Variants in GLRA2 observed in about 807,000 individuals in gnomAD.
The protein encoded by GLRA2 is glycine receptor subunit alpha-2.
GLRA2 carries 11 observed loss-of-function variants against 31.6 expected under a neutral mutation model. That is an observed-to-expected ratio of 0.35 (90% CI 0.22 to 0.58). GLRA2 has a LOEUF of 0.58. Among genes scored for constraint, GLRA2 ranks in the 20% least tolerant of loss-of-function variants. The pLI is 0.84. For synonymous variants in GLRA2, 132 were observed against 134.0 expected (o/e 0.99, Z 0.10); for missense variants, 212 against 351.8 (o/e 0.60, Z 3.18).
the GLRA2 span, among the ~76,000 whole-genome samples, chrX:14,463,278 G>A: frequency 1.8e-5 from 2 of 111,490 alleles, no homozygotes; most frequent in African/African-American, 6.5e-5. Context: ...CTACTGGGGG[G>A]TGTCTCCCAG....
the GLRA2 span, among the ~76,000 whole-genome samples, chrX:14,454,908 A>G: frequency 8.9e-6 from 1 of 112,545 alleles, no homozygotes; most frequent in Non-Finnish European, 1.9e-5. Flanking sequence ...TAGCTATCCC[A>G]TTCCAAGTTT....
chrX:14,493,614 C>CTT, the GLRA2 span, among the ~76,000 whole-genome samples: 1 of 97,618 alleles, frequency 1.0e-5, no homozygotes, highest in African/African-American at 4.1e-5. Context: ...CACATATACA[C>CTT]ATATATACAC....
chrX:14,469,919 A>G, the GLRA2 span, among the ~76,000 whole-genome samples: 5 of 111,613 alleles, frequency 4.5e-5, no homozygotes, highest in South Asian at 1.9e-3. Flanking sequence ...ATCAGCTTTA[A>G]AAAGCAACGT....
chrX:14,626,786 G>A (rs2090593326), intron 7 of GLRA2, among the ~76,000 whole-genome samples: 1 of 112,019 alleles, frequency 8.9e-6, no homozygotes, highest in Admixed American at 9.5e-5. Context: ...AATAATAGAT[G>A]TAAATAAAAA....
intron 7 of GLRA2, among the ~76,000 whole-genome samples, chrX:14,625,769 C>T (rs1432100541): frequency 2.7e-5 from 3 of 111,667 alleles, no homozygotes; most frequent in Non-Finnish European, 5.7e-5. Flanking sequence ...AATGTGTAGC[C>T]AGGGCTGTGA....
intron 7 of GLRA2, among the ~76,000 whole-genome samples, chrX:14,630,258 A>C (rs1029778150): frequency 4.5e-5 from 5 of 111,962 alleles, no homozygotes; most frequent in African/African-American, 1.3e-4. Context: ...AAGTAGCTTA[A>C]AGATGTTTCT....
intron 7 of GLRA2, among the ~76,000 whole-genome samples, chrX:14,681,995 A>ATG (rs756711239): frequency 0.28 from 25,028 of 90,225 alleles, 3,226 homozygotes; most frequent in Non-Finnish European, 0.31. Flanking sequence ...TTATATATGT[A>ATG]TGTGTGTGTG....
At chrX:14,590,638 G>A (rs757704901) in intron 4 of GLRA2, among the ~76,000 whole-genome samples, 1 of 111,696 alleles carries the variant, frequency 9.0e-6, no homozygotes, top group African/African-American at 3.3e-5. Context: ...ACATAAGCCC[G>A]TATTTTCTAT....
chrX:14,548,559 C>A (rs1008144711), intron 2 of GLRA2, among the ~76,000 whole-genome samples: 8 of 111,622 alleles, frequency 7.2e-5, no homozygotes, highest in Admixed American at 3.8e-4. Flanking sequence ...TTCTAACCTG[C>A]AACTTTACTA....
chrX:14,726,769 C>G (rs750247532), intron 8 of GLRA2, among the ~76,000 whole-genome samples: 1 of 112,421 alleles, frequency 8.9e-6, no homozygotes, highest in African/African-American at 3.2e-5. Flanking sequence ...ATGAATGAGT[C>G]AATCTGAAAA....
upstream of GLRA2, among the ~76,000 whole-genome samples, chrX:14,525,601 G>A (rs1463261871): frequency 9.0e-6 from 1 of 111,176 alleles, no homozygotes. Context: ...TATATTATGA[G>A]AATGACACTG....
intron 7 of GLRA2, among the ~76,000 whole-genome samples, chrX:14,681,365 C>T (rs746494125): frequency 2.7e-5 from 3 of 111,178 alleles, no homozygotes; most frequent in Non-Finnish European, 3.8e-5. Flanking sequence ...TTCTTCCTTC[C>T]TTCCTTCTTT....
At chrX:14,649,556 T>A (rs1457788475) in intron 7 of GLRA2, among the ~76,000 whole-genome samples, 3 of 111,904 alleles carry the variant, frequency 2.7e-5, no homozygotes, top group Non-Finnish European at 5.6e-5. Flanking sequence ...ATACAGTACA[T>A]CTAGCAAGAA....
intron 3 of GLRA2, among the ~76,000 whole-genome samples, chrX:14,580,509 G>A (rs1189880355): frequency 8.9e-6 from 1 of 111,953 alleles, no homozygotes; most frequent in Non-Finnish European, 1.9e-5. Context: ...AATGCCAGGG[G>A]TGTACCTAAG....
intron 7 of GLRA2, among the ~76,000 whole-genome samples, chrX:14,689,099 C>A (rs1038854566): frequency 3.6e-5 from 4 of 111,832 alleles, no homozygotes; most frequent in African/African-American, 9.8e-5. Flanking sequence ...CAGATAGTAG[C>A]AGAGCAGCAT....
intron 8 of GLRA2, among the ~76,000 whole-genome samples, chrX:14,722,392 T>A (rs989424238): frequency 9.0e-6 from 1 of 111,177 alleles, no homozygotes; most frequent in Non-Finnish European, 1.9e-5. Flanking sequence ...GTTGACATGG[T>A]GGCTCATGGT....
intron 7 of GLRA2, among the ~76,000 whole-genome samples, chrX:14,622,800 T>G (rs1253815195): frequency 8.9e-6 from 1 of 111,901 alleles, no homozygotes; most frequent in Non-Finnish European, 1.9e-5. Flanking sequence ...TGCCTCCAGC[T>G]TTACTCTTTT....
chrX:14,493,571 A>G, the GLRA2 span, among the ~76,000 whole-genome samples: 2 of 105,225 alleles, frequency 1.9e-5, no homozygotes, highest in Admixed American at 2.1e-4. Context: ...ACATATATAC[A>G]TATATACATA....
intron 4 of GLRA2, among the ~76,000 whole-genome samples, chrX:14,595,917 C>A (rs1279054587): frequency 8.9e-6 from 1 of 112,124 alleles, no homozygotes; most frequent in Admixed American, 9.5e-5. Flanking sequence ...CTTCAAGAGA[C>A]ACACTGTCTT....
Sources: gnomAD v4.1 joint callset for allele counts (sites outside exome capture counted in the v4.1 genomes callset) on GRCh38, gnomAD v4.1.1 for gene constraint, MANE v1.5 for transcripts, NCBI Gene and HGNC (gene_info 2026-07-23, HGNC 2026-07-21) for gene names.